The following TMEM132D variants were observed in gnomAD, a reference collection of about 807,000 sequenced individuals.
TMEM132D encodes the protein transmembrane protein 132D.
TMEM132D carries 21 observed loss-of-function variants against 62.3 expected under a neutral mutation model. The observed-to-expected ratio is 0.34, with a 90% CI of 0.24 to 0.49. TMEM132D has a LOEUF of 0.49. Among genes scored for constraint, TMEM132D ranks in the 20% least tolerant of loss-of-function variants. TMEM132D has a pLI of 0.99. For synonymous variants in TMEM132D, 621 were observed against 575.6 expected, an observed-to-expected ratio of 1.08 and a Z score of -1.13; for missense variants, 1,346 against 1,402.8, an observed-to-expected ratio of 0.96 and a Z score of 0.65.
intron 2 of TMEM132D, among the ~76,000 whole-genome samples, chr12:129,557,896 A>G (rs566897767): frequency 1.3e-5 from 2 of 152,324 alleles, no homozygotes; most frequent in African/African-American, 4.8e-5. Flanking sequence ...TAAAATACAT[A>G]AAGTTCTACA....
intron 3 of TMEM132D, among the ~76,000 whole-genome samples, chr12:129,466,278 C>A (rs969677616): frequency 1.7e-5 from 2 of 120,394 alleles, no homozygotes; most frequent in Admixed American, 1.9e-4. Context: ...GTAGATTTTT[C>A]CTTTTTTTTT....
intron 3 of TMEM132D, among the ~76,000 whole-genome samples, chr12:129,347,697 A>G (rs1349900011): frequency 6.6e-6 from 1 of 152,226 alleles, no homozygotes; most frequent in Non-Finnish European, 1.5e-5. Context: ...AACAAAAGAC[A>G]AAATTGACAA....
chr12:129,283,297 T>C (rs553727390), intron 4 of TMEM132D, among the ~76,000 whole-genome samples: 1 of 152,344 alleles, frequency 6.6e-6, no homozygotes, highest in African/African-American at 2.4e-5. Context: ...GTTCAAGTGA[T>C]TCTCCTGCCT....
intron 2 of TMEM132D, among the ~76,000 whole-genome samples, chr12:129,548,847 T>C (rs1267811388): frequency 6.6e-6 from 1 of 152,236 alleles, no homozygotes; most frequent in East Asian, 1.9e-4. Flanking sequence ...ACAAACGACC[T>C]CCTTTCTCAT....
chr12:129,322,392 A>G (rs1387747443), intron 4 of TMEM132D, among the ~76,000 whole-genome samples: 2 of 152,226 alleles, frequency 1.3e-5, no homozygotes, highest in Non-Finnish European at 2.9e-5. Context: ...TGGCCATGCC[A>G]TGATGGCCAT....
intron 4 of TMEM132D, among the ~76,000 whole-genome samples, chr12:129,278,790 G>A (rs1177533254): frequency 2.0e-5 from 3 of 152,154 alleles, no homozygotes; most frequent in Non-Finnish European, 4.4e-5. Flanking sequence ...AAATTAGCAG[G>A]AGACAGGATA....
At chr12:129,454,180 G>T (rs555785788) in intron 3 of TMEM132D, among the ~76,000 whole-genome samples, 3 of 152,206 alleles carry the variant, frequency 2.0e-5, no homozygotes, top group Non-Finnish European at 4.4e-5. Context: ...AGAGTGCACT[G>T]AATACTATGC....
chr12:129,552,184 A>G (rs1276511367), intron 2 of TMEM132D, among the ~76,000 whole-genome samples: 1 of 152,202 alleles, frequency 6.6e-6, no homozygotes, highest in African/African-American at 2.4e-5. Context: ...ATTTAAATAC[A>G]CTGTATGTAG....
intron 5 of TMEM132D, among the ~76,000 whole-genome samples, chr12:129,199,659 A>T (rs1878644029): frequency 6.6e-6 from 1 of 152,210 alleles, no homozygotes; most frequent in African/African-American, 2.4e-5. Flanking sequence ...TCACAGTTCC[A>T]CATGGCTGGG....
chr12:129,127,941 C>T (rs1688765202), intron 5 of TMEM132D, among the ~76,000 whole-genome samples: 1 of 152,232 alleles, frequency 6.6e-6, no homozygotes, highest in African/African-American at 2.4e-5. Context: ...GGCTTCTGTG[C>T]AGCTGTCACA....
intron 1 of TMEM132D, among the ~76,000 whole-genome samples, chr12:129,821,834 C>T (rs1243177554): frequency 1.3e-5 from 2 of 152,158 alleles, no homozygotes; most frequent in Non-Finnish European, 1.5e-5. Flanking sequence ...GGTCACTGGA[C>T]CACCCCTGGG....
intron 3 of TMEM132D, among the ~76,000 whole-genome samples, chr12:129,369,939 G>T (rs1017864448): frequency 2.2e-4 from 34 of 152,214 alleles, no homozygotes; most frequent in African/African-American, 8.0e-4. Context: ...GCGGAAGCCA[G>T]GTGGGTCACA....
intron 3 of TMEM132D, among the ~76,000 whole-genome samples, chr12:129,496,746 T>C (rs1000408259): frequency 1.3e-5 from 2 of 150,974 alleles, no homozygotes; most frequent in African/African-American, 4.9e-5. Context: ...TTTTTCAGAG[T>C]GAACACTACC....
chr12:129,152,878 A>G (rs567414871), intron 5 of TMEM132D, among the ~76,000 whole-genome samples: 1 of 152,164 alleles, frequency 6.6e-6, no homozygotes, highest in Non-Finnish European at 1.5e-5. Context: ...CTGGTGAGAG[A>G]GGGGAGATGC....
intron 1 of TMEM132D, among the ~76,000 whole-genome samples, chr12:129,746,674 G>C (rs899835527): frequency 6.6e-6 from 1 of 152,048 alleles, no homozygotes; most frequent in Non-Finnish European, 1.5e-5. Context: ...CTTTATCGAG[G>C]ACCTCCCAAG....
chr12:129,789,245 C>A (rs1871331968), intron 1 of TMEM132D, among the ~76,000 whole-genome samples: 1 of 151,956 alleles, frequency 6.6e-6, no homozygotes, highest in Admixed American at 6.6e-5. Flanking sequence ...TCCTCAAAAT[C>A]CATGACATCA....
intron 1 of TMEM132D, among the ~76,000 whole-genome samples, chr12:129,802,917 C>G (rs377221697): frequency 6.6e-6 from 1 of 150,996 alleles, no homozygotes; most frequent in East Asian, 2.0e-4. Flanking sequence ...GACTTTAAAC[C>G]AACAAAGATC....
At chr12:129,851,874 T>A (rs762185380) in intron 1 of TMEM132D, among the ~76,000 whole-genome samples, 1 of 152,238 alleles carries the variant, frequency 6.6e-6, no homozygotes, top group Admixed American at 6.5e-5. Flanking sequence ...TTAATAAAAC[T>A]TTGTGTTTGC....
At chr12:129,825,773 G>A (rs557739719) in intron 1 of TMEM132D, among the ~76,000 whole-genome samples, 2 of 152,114 alleles carry the variant, frequency 1.3e-5, no homozygotes, top group African/African-American at 2.4e-5. Flanking sequence ...ACTTTAAAGC[G>A]AGGGGTATAA....
Sources: allele counts gnomAD v4.1 joint callset (sites outside exome capture counted in the v4.1 genomes callset), GRCh38; gene constraint gnomAD v4.1.1; transcripts MANE v1.5; gene names NCBI Gene and HGNC (gene_info 2026-07-23, HGNC 2026-07-21).